Variants in RBMS1 observed in about 807,000 individuals in gnomAD.
RBMS1 encodes the protein RNA-binding motif, single-stranded-interacting protein 1.
A neutral mutation model predicts 62.3 loss-of-function variants in RBMS1; 17 were observed. The observed-to-expected ratio is 0.27, with a 90% CI of 0.19 to 0.41. The LOEUF (loss-of-function observed/expected upper bound fraction) is 0.41. Ranked by LOEUF, RBMS1 falls within the 10% of genes least tolerant of loss-of-function variation. RBMS1 has a pLI of 1.00. For missense variants in RBMS1, 334 were observed against 504.5 expected (o/e 0.66, Z 3.24); for synonymous variants, 172 against 170.0 (o/e 1.01, Z -0.09).
At chr2:160,384,644 A>G (rs1694470871) in intron 1 of RBMS1, among the ~76,000 whole-genome samples, 1 of 152,198 alleles carries the variant, frequency 6.6e-6, no homozygotes, top group Admixed American at 6.5e-5. Flanking sequence ...TCCAAGTCTC[A>G]TCTCTTCATC....
At chr2:160,321,997 T>G (rs946263773) in intron 2 of RBMS1, among the ~76,000 whole-genome samples, 1 of 152,246 alleles carries the variant, frequency 6.6e-6, no homozygotes, top group African/African-American at 2.4e-5. Context: ...ATCTTTTCCA[T>G]GAAACTATCA....
rs1200525265 is a variant in RBMS1, at chr2:160,324,908, A to G, written c.252-6681T>C. On this transcript the variant is annotated intron_variant, in intron 2 of 13. Coordinates refer to ENST00000348849, the MANE Select transcript of RBMS1 (RefSeq NM_016836.4). ...TATATATATATATATATATATATAT[A>G]CACACACACACACACACACACACAC... Among the ~76,000 whole-genome samples the G allele has an allele frequency of 7.5e-3, 749 of 100,326 alleles. 13 individuals are homozygous for G. Among genetic ancestry groups the G allele is most frequent in the African/African-American group, 0.031 (693 of 22,218 alleles). 65.8% of individuals were successfully genotyped at this position (100,326 alleles called of 152,430 possible).
intron 4 of RBMS1, among the ~76,000 whole-genome samples, chr2:160,303,749 C>A (rs561229262): frequency 1.3e-5 from 2 of 152,278 alleles, no homozygotes; most frequent in East Asian, 1.9e-4. Context: ...CCTCATGGAA[C>A]CACAACTCTC....
At chr2:160,443,394 T>C (rs937798116) in intron 1 of RBMS1, among the ~76,000 whole-genome samples, 1 of 152,120 alleles carries the variant, frequency 6.6e-6, no homozygotes, top group Non-Finnish European at 1.5e-5. Flanking sequence ...CCAAATCTCA[T>C]GTTGAAATGT....
intron 2 of RBMS1, among the ~76,000 whole-genome samples, chr2:160,328,578 T>A (rs76434044): frequency 6.6e-6 from 1 of 152,092 alleles, no homozygotes; most frequent in South Asian, 2.1e-4. Flanking sequence ...TTATAGTTTA[T>A]GCCAATTTAG....
At chr2:160,403,783 G>A (rs766814428) in intron 1 of RBMS1, among the ~76,000 whole-genome samples, 2 of 152,098 alleles carry the variant, frequency 1.3e-5, no homozygotes, top group Non-Finnish European at 2.9e-5. Flanking sequence ...CTTCCTACAT[G>A]CCACGATGTG....
intron 2 of RBMS1, among the ~76,000 whole-genome samples, chr2:160,326,588 G>A (rs1246534934): frequency 6.6e-6 from 1 of 152,160 alleles, no homozygotes; most frequent in Non-Finnish European, 1.5e-5. Context: ...GAGACTGGAG[G>A]ATTTGGAACT....
At position 160,287,235 on chromosome 2, in the gene RBMS1, C is replaced by G. The variant is rs1241018891; in HGVS notation, c.641-151G>C. 4 of 937,176 alleles carry G rather than the reference C, an allele frequency of 4.3e-6. No individual in the cohort carries two copies. The East Asian group carries it at 7.6e-5, about 18-fold the overall frequency. 58.1% of individuals were successfully genotyped at this position (937,176 alleles called of 1,614,324 possible). A position where few individuals can be genotyped will look rare whatever the true frequency, so the allele number is the denominator to read the frequency against. Reference sequence around the variant, plus strand: ...GCAGTTTACTCAGACCTTTGTAAAACTGTCCACGATGAAAAACATAGTGCA... The same window carrying G: ...GCAGTTTACTCAGACCTTTGTAAAAGTGTCCACGATGAAAAACATAGTGCA... On this transcript the variant is annotated intron_variant, in intron 6 of 13. Transcript: ENST00000348849.
intron 1 of RBMS1, among the ~76,000 whole-genome samples, chr2:160,426,491 T>G (rs1682633090): frequency 6.6e-6 from 1 of 152,224 alleles, no homozygotes; most frequent in African/African-American, 2.4e-5. Context: ...TTATCAAATT[T>G]AAAATGTTTT....
chr2:160,297,091 C>G (rs1223649766), intron 6 of RBMS1, among the ~76,000 whole-genome samples: 2 of 152,194 alleles, frequency 1.3e-5, no homozygotes, highest in Non-Finnish European at 2.9e-5. Flanking sequence ...GGACTTTTAG[C>G]TGACATGGAC....
intron 1 of RBMS1, among the ~76,000 whole-genome samples, chr2:160,478,656 A>G (rs1685237222): frequency 6.6e-6 from 1 of 152,186 alleles, no homozygotes; most frequent in Non-Finnish European, 1.5e-5. Context: ...TTATTTGCTC[A>G]ATATATCCCA....
At chr2:160,381,059 T>TCTG (rs1694261810) in intron 1 of RBMS1, among the ~76,000 whole-genome samples, 1 of 152,182 alleles carries the variant, frequency 6.6e-6, no homozygotes, top group Non-Finnish European at 1.5e-5. Context: ...GTTATCTCAT[T>TCTG]CTGCTCTCCC....
rs532674950 is a variant in RBMS1, at chr2:160,469,241, C to G, written c.75+24048G>C. 2.2e-3 allele frequency among the ~76,000 whole-genome samples: 330 copies of G among 152,308 alleles called. 1 individual carries two copies. The highest frequency in any genetic ancestry group is 7.6e-3 in the African/African-American group (316 of 41,566). On this transcript the variant is annotated intron_variant, in intron 1 of 13. Transcript: ENST00000348849. ...ATCTTTACACATTAAATCATTCTTT[C>G]ATTGCACTTGCAATCTCTTTTCTGA...
intron 1 of RBMS1, among the ~76,000 whole-genome samples, chr2:160,435,915 G>A (rs1032525080): frequency 6.6e-6 from 1 of 152,184 alleles, no homozygotes; most frequent in Admixed American, 6.5e-5. Flanking sequence ...TAATTTGACT[G>A]GGGTATAGAG....
At chr2:160,391,069 A>G (rs1036876054) in intron 1 of RBMS1, among the ~76,000 whole-genome samples, 1 of 151,580 alleles carries the variant, frequency 6.6e-6, no homozygotes, top group Non-Finnish European at 1.5e-5. Flanking sequence ...CTGGTACCAC[A>G]TTGTTATGGG....
intron 1 of RBMS1, among the ~76,000 whole-genome samples, chr2:160,473,546 T>G (rs918943179): frequency 1.3e-5 from 2 of 152,172 alleles, no homozygotes; most frequent in Admixed American, 1.3e-4. Flanking sequence ...GGTAGTACAT[T>G]CCTACCCTTG....
intron 6 of RBMS1, among the ~76,000 whole-genome samples, chr2:160,297,018 C>T (rs1398084283): frequency 1.3e-5 from 2 of 152,170 alleles, no homozygotes; most frequent in Non-Finnish European, 2.9e-5. Flanking sequence ...CAGACCTGTA[C>T]CCAACACTAA....
intron 2 of RBMS1, among the ~76,000 whole-genome samples, chr2:160,331,755 T>C (rs779392566): frequency 6.6e-6 from 1 of 152,182 alleles, no homozygotes; most frequent in Non-Finnish European, 1.5e-5. Context: ...GAAGGAACAG[T>C]TGAAGTTCTT....
chr2:160,303,184 T>C (rs534394429), intron 5 of RBMS1, 146 bp downstream of exon 5: 2 of 721,520 alleles, frequency 2.8e-6, no homozygotes, highest in East Asian at 3.2e-5. Flanking sequence ...AAATGCAGTC[T>C]GGTATTTACA....
Sources: allele counts gnomAD v4.1 joint callset (sites outside exome capture counted in the v4.1 genomes callset), GRCh38; gene constraint gnomAD v4.1.1; transcripts MANE v1.5; gene names NCBI Gene and HGNC (gene_info 2026-07-23, HGNC 2026-07-21).